OSBPL10: variants seen among roughly 807,000 people sequenced by gnomAD.
OSBPL10 encodes the protein oxysterol-binding protein-related protein 10.
OSBPL10 carries 49 observed loss-of-function variants against 81.7 expected under a neutral mutation model. The observed-to-expected ratio is 0.60, with a 90% CI of 0.48 to 0.76. OSBPL10 has a LOEUF of 0.76. OSBPL10 is among the 30% of genes least tolerant of loss of function. The probability of loss-of-function intolerance (pLI) is 0.00; values close to 1 mark genes in which losing one functional copy is unlikely to be tolerated. For synonymous variants in OSBPL10, 419 were observed against 383.6 expected (o/e 1.09, Z -1.08); for missense variants, 923 against 987.8 (o/e 0.93, Z 0.88).
intron 2 of OSBPL10, among the ~76,000 whole-genome samples, chr3:32,007,459 G>A (rs566940777): frequency 6.6e-6 from 1 of 152,222 alleles, no homozygotes; most frequent in South Asian, 2.1e-4. Flanking sequence ...AAATCAAGGT[G>A]CCAGCAGGGC....
At chr3:31,972,003 T>G (rs1698579357) in intron 1 of OSBPL10, among the ~76,000 whole-genome samples, 1 of 152,154 alleles carries the variant, frequency 6.6e-6, no homozygotes, top group African/African-American at 2.4e-5. Flanking sequence ...TCAAAAATAT[T>G]TGGGGTATAA....
At position 32,060,909 on chromosome 3, in the gene OSBPL10, GT is replaced by G. The variant is rs1699750726; in HGVS notation, n.186-14307del. On this transcript the variant is annotated intron_variant and non_coding_transcript_variant, in intron 1 of 3. Coordinates refer to the OSBPL10 transcript ENST00000479173. ...AACCGCTTGAACCTGGGAGGCGGAG[GT>G]TTCGGTGAGCCGAGATCACACCATT... 3.7e-5 allele frequency among the ~76,000 whole-genome samples: 3 copies of G among 80,684 alleles called. 1 individual carries two copies. The highest frequency in any genetic ancestry group is 6.3e-5 in the African/African-American group (2 of 31,934). 52.9% of individuals were successfully genotyped at this position (80,684 alleles called of 152,430 possible). A position where few individuals can be genotyped will look rare whatever the true frequency, so the allele number is the denominator to read the frequency against.
chr3:31,727,545 C>A (rs978984043), intron 6 of OSBPL10, among the ~76,000 whole-genome samples: 2 of 152,118 alleles, frequency 1.3e-5, no homozygotes, highest in Non-Finnish European at 2.9e-5. Flanking sequence ...ATTTCCTATG[C>A]AGCAACCATT....
intron 8 of OSBPL10, among the ~76,000 whole-genome samples, chr3:31,673,766 G>A (rs999119982): frequency 1.3e-5 from 2 of 152,142 alleles, no homozygotes; most frequent in Non-Finnish European, 2.9e-5. Flanking sequence ...TATATGGGAT[G>A]ACACTCTCGT....
At chr3:31,936,916 TCTG>T (rs1190023976) in intron 1 of OSBPL10, among the ~76,000 whole-genome samples, 2 of 152,168 alleles carry the variant, frequency 1.3e-5, no homozygotes, top group African/African-American at 4.8e-5. Flanking sequence ...TTCTTATCTT[TCTG>T]CTTTCTAGAT....
At chr3:31,989,081 T>C in intron 2 of OSBPL10, 1 of 1,614,076 alleles carries the variant, frequency 6.2e-7, no homozygotes, top group Non-Finnish European at 8.5e-7. Flanking sequence ...TAAAGACTCA[T>C]GTTACGTGAG....
intron 1 of OSBPL10, among the ~76,000 whole-genome samples, chr3:32,067,445 T>A (rs957019897): frequency 6.6e-6 from 1 of 152,106 alleles, no homozygotes; most frequent in Admixed American, 6.5e-5. Flanking sequence ...ACAAATAGAA[T>A]CTAAGTATTA....
intron 6 of OSBPL10, among the ~76,000 whole-genome samples, chr3:31,728,272 C>T (rs868837932): frequency 1.3e-5 from 2 of 152,146 alleles, no homozygotes; most frequent in Admixed American, 1.3e-4. Flanking sequence ...CTAGGCAAAG[C>T]TGCTAACTGA....
At chr3:31,985,422 T>G (rs539336202), upstream of OSBPL10, among the ~76,000 whole-genome samples, 2 of 152,328 alleles carry the variant, frequency 1.3e-5, no homozygotes, top group East Asian at 3.9e-4. Context: ...TATGCATGAT[T>G]GGAGCAATAA....
rs1238953251 is a variant in OSBPL10 at position 32,061,928 on chromosome 3, T to C, written n.186-15325A>G. Among the ~76,000 whole-genome samples, 2 of 86,678 alleles carry C rather than the reference T, an allele frequency of 2.3e-5. 1 individual carries two copies. The highest frequency in any genetic ancestry group is 6.2e-5 in the Non-Finnish European group (2 of 32,288). 56.9% of individuals were successfully genotyped at this position (86,678 alleles called of 152,430 possible). The stretch of plus-strand genomic sequence containing the variant: ...TGCTGGGATCACAGACATGAGCCAC[T>C]ATGTCAAGCTATATTGTTATTTTTC... On this transcript the variant is annotated intron_variant and non_coding_transcript_variant, in intron 1 of 3. Transcript: ENST00000479173.
chr3:31,957,346 A>G (rs1698038862), intron 1 of OSBPL10, among the ~76,000 whole-genome samples: 1 of 152,194 alleles, frequency 6.6e-6, no homozygotes, highest in African/African-American at 2.4e-5. Context: ...CCCTGAGCAC[A>G]GTTATGAGAT....
chr3:31,662,912 C>T, intron 11 of OSBPL10: 1 of 985,446 alleles, frequency 1.0e-6, no homozygotes, highest in Non-Finnish European at 1.2e-6. Flanking sequence ...AGGGCTCCCA[C>T]ACAGGGTCCC....
chr3:32,044,410 A>T (rs868580329), intron 2 of OSBPL10, among the ~76,000 whole-genome samples: 15 of 149,138 alleles, frequency 1.0e-4, no homozygotes, highest in South Asian at 4.2e-4. Flanking sequence ...AACATAATTT[A>T]AAAAAATTTT....
chr3:31,679,517 C>T (rs1359423624), intron 8 of OSBPL10, among the ~76,000 whole-genome samples: 1 of 152,152 alleles, frequency 6.6e-6, no homozygotes, highest in African/African-American at 2.4e-5. Context: ...ACCACTGTTA[C>T]CGATAAGGAG....
At chr3:32,028,778 C>T (rs1699438948) in intron 2 of OSBPL10, among the ~76,000 whole-genome samples, 1 of 151,958 alleles carries the variant, frequency 6.6e-6, no homozygotes, top group African/African-American at 2.4e-5. Context: ...AAATCTGCCC[C>T]TTTTGTGAGA....
At chr3:31,811,596 C>A (rs1699683202) in intron 4 of OSBPL10, among the ~76,000 whole-genome samples, 1 of 152,158 alleles carries the variant, frequency 6.6e-6, no homozygotes, top group Non-Finnish European at 1.5e-5. Context: ...AAATGTCTTG[C>A]TACAGAGCTA....
intron 2 of OSBPL10, among the ~76,000 whole-genome samples, chr3:31,876,903 C>A (rs1228631751): frequency 3.8e-5 from 5 of 131,758 alleles, no homozygotes; most frequent in African/African-American, 1.4e-4. Flanking sequence ...TCAAATGGCA[C>A]TTTTTTTTTT....
intron 4 of OSBPL10, among the ~76,000 whole-genome samples, chr3:31,829,817 G>A (rs575381349): frequency 2.4e-4 from 37 of 152,242 alleles, no homozygotes; most frequent in African/African-American, 8.4e-4. Context: ...TCTGCTTTCC[G>A]AGTTCTCAGA....
intron 5 of OSBPL10, among the ~76,000 whole-genome samples, chr3:31,743,104 G>C (rs551861965): frequency 1.5e-5 from 2 of 133,292 alleles, no homozygotes; most frequent in East Asian, 4.6e-4. Flanking sequence ...GCAGTGGTGC[G>C]ATCTCAGCTC....
Sources: allele counts gnomAD v4.1 joint callset (sites outside exome capture counted in the v4.1 genomes callset), GRCh38; gene constraint gnomAD v4.1.1; transcripts MANE v1.5; gene names NCBI Gene and HGNC (gene_info 2026-07-23, HGNC 2026-07-21).